The following PACSIN2 variants were observed in gnomAD, a reference collection of about 807,000 sequenced individuals.
The protein encoded by PACSIN2 is protein kinase C and casein kinase substrate in neurons protein 2.
Under a neutral mutation model 63.8 loss-of-function variants are expected in PACSIN2, and 25 were observed. The observed-to-expected ratio is 0.39, with a 90% CI of 0.29 to 0.55. The LOEUF (loss-of-function observed/expected upper bound fraction) is 0.55. Ranked by LOEUF, PACSIN2 falls within the 20% of genes least tolerant of loss-of-function variation. PACSIN2 has a pLI of 0.62. For missense variants in PACSIN2, 518 were observed against 646.9 expected (o/e 0.80, Z 2.16); for synonymous variants, 255 against 256.2 (o/e 1.00, Z 0.05).
At position 43,012,237 on chromosome 22, in the gene PACSIN2, C is replaced by T. The variant is rs575105780; in HGVS notation, c.-78+2784G>A. ...AAAACTAGCCAGGCAAGGTGGCAGG[C>T]GCCTGTAATCCCAACTACTGAGGAG... On this transcript the variant is annotated intron_variant, in intron 1 of 10. Transcript: ENST00000263246. Among the ~76,000 whole-genome samples, 7 of 146,300 alleles carry T rather than the reference C, an allele frequency of 4.8e-5. No individual in the cohort carries two copies. In the South Asian group the frequency reaches 9.0e-4, roughly 19 times the overall value.
chr22:42,990,828 C>T (rs1485150850), intron 1 of PACSIN2, among the ~76,000 whole-genome samples: 3 of 141,210 alleles, frequency 2.1e-5, no homozygotes, highest in Non-Finnish European at 4.4e-5. Flanking sequence ...ATGGAAACCA[C>T]TCTATTTGGC....
At chr22:42,973,536 A>G (rs1921475772) in intron 1 of PACSIN2, among the ~76,000 whole-genome samples, 1 of 152,176 alleles carries the variant, frequency 6.6e-6, no homozygotes, top group African/African-American at 2.4e-5. Context: ...TCAATCAGAA[A>G]CTCTACATAT....
chr22:43,002,994 A>C (rs1428773391), intron 1 of PACSIN2, among the ~76,000 whole-genome samples: 1 of 152,212 alleles, frequency 6.6e-6, no homozygotes, highest in Non-Finnish European at 1.5e-5. Flanking sequence ...CCATCTACAA[A>C]CTGGATGGCC....
At chr22:42,963,869 CT>C (rs1920932775) in intron 1 of PACSIN2, among the ~76,000 whole-genome samples, 1 of 151,714 alleles carries the variant, frequency 6.6e-6, no homozygotes, top group African/African-American at 2.4e-5. Flanking sequence ...CACTTCTCTA[CT>C]GGTCTGTCAT....
Position 43,008,141 on chromosome 22 carries a change from A to T in PACSIN2, c.-78+6880T>A, listed in dbSNP as rs564591970. 2.6e-5 allele frequency among the ~76,000 whole-genome samples: 4 copies of T among 152,396 alleles called. No homozygotes were observed. The South Asian group carries it at 8.3e-4, about 32-fold the overall frequency. On this transcript the variant is annotated intron_variant, in intron 1 of 10. Transcript: ENST00000263246. ...TGTCTGAGTATTCAAAACAGCTTTC[A>T]GAAATACATCAGAAGTATTCTTTTA...
chr22:42,934,115 A>G (rs1159967627), intron 1 of PACSIN2, among the ~76,000 whole-genome samples: 2 of 152,152 alleles, frequency 1.3e-5, no homozygotes, highest in Non-Finnish European at 2.9e-5. Context: ...GAGCTTTGAA[A>G]TTTTCTCTAA....
chr22:42,967,322 T>C (rs557489291), intron 1 of PACSIN2, among the ~76,000 whole-genome samples: 1 of 152,168 alleles, frequency 6.6e-6, no homozygotes, highest in Non-Finnish European at 1.5e-5. Flanking sequence ...CCAATGTTAC[T>C]GATCAGGGCT....
chr22:42,954,000 C>T (rs1933809766), intron 1 of PACSIN2, among the ~76,000 whole-genome samples: 1 of 152,176 alleles, frequency 6.6e-6, no homozygotes, highest in African/African-American at 2.4e-5. Flanking sequence ...GTGGCTCATG[C>T]CTGTAATCCT....
intron 1 of PACSIN2, among the ~76,000 whole-genome samples, chr22:42,946,542 T>C (rs1198503717): frequency 6.6e-6 from 1 of 152,088 alleles, no homozygotes; most frequent in African/African-American, 2.4e-5. Context: ...AGAGCAAAAC[T>C]CTGTCTCAAA....
chr22:42,931,654 G>A (rs1477975603), intron 1 of PACSIN2, among the ~76,000 whole-genome samples: 1 of 152,224 alleles, frequency 6.6e-6, no homozygotes, highest in Non-Finnish European at 1.5e-5. Context: ...GTTTAAACTT[G>A]ATGAGTTTCT....
At chr22:43,002,899 T>A (rs528405184) in intron 1 of PACSIN2, among the ~76,000 whole-genome samples, 2 of 152,320 alleles carry the variant, frequency 1.3e-5, no homozygotes, top group South Asian at 4.1e-4. Context: ...TGAGAAAATA[T>A]TTAAGTGAAT....
At chr22:42,965,209 T>G (rs1232576063) in intron 1 of PACSIN2, among the ~76,000 whole-genome samples, 1 of 152,108 alleles carries the variant, frequency 6.6e-6, no homozygotes, top group Non-Finnish European at 1.5e-5. Flanking sequence ...TCTATGTGGA[T>G]GAAATTCGAA....
intron 2 of PACSIN2, among the ~76,000 whole-genome samples, chr22:42,897,944 C>A (rs1930402393): frequency 6.6e-6 from 1 of 151,716 alleles, no homozygotes; most frequent in African/African-American, 2.4e-5. Flanking sequence ...ACACAGGGAG[C>A]AAATGGCAAT....
intron 2 of PACSIN2, among the ~76,000 whole-genome samples, chr22:42,909,867 C>T (rs887615016): frequency 6.6e-6 from 1 of 152,168 alleles, no homozygotes; most frequent in Non-Finnish European, 1.5e-5. Context: ...AAGACAATGT[C>T]GCCAAGGGCA....
At chr22:43,009,963 G>A (rs188312656) in intron 1 of PACSIN2, among the ~76,000 whole-genome samples, 2 of 147,532 alleles carry the variant, frequency 1.4e-5, no homozygotes, top group South Asian at 2.1e-4. Context: ...TCTGCCTCCC[G>A]GGTTCTAGTG....
intron 1 of PACSIN2, among the ~76,000 whole-genome samples, chr22:42,965,932 AATAAATAAATAATC>A (rs1481982581): frequency 2.1e-5 from 2 of 94,212 alleles, no homozygotes; most frequent in South Asian, 6.8e-4. Context: ...AATAATCATA[AATAAATAAATAATC>A]ATAAATAAAT....
At chr22:42,941,839 C>A (rs1184564557) in intron 1 of PACSIN2, among the ~76,000 whole-genome samples, 12 of 152,144 alleles carry the variant, frequency 7.9e-5, no homozygotes, top group Admixed American at 7.9e-4. Flanking sequence ...TGCAGTGGCG[C>A]ATTCTCGGCT....
At chr22:42,877,157 T>A (rs1928704876) in intron 8 of PACSIN2, 147 bp from the exon 9 acceptor site, 2 of 812,830 alleles carry the variant, frequency 2.5e-6, no homozygotes, top group Admixed American at 4.6e-5. Flanking sequence ...AAGGTTACTA[T>A]GGCAGAATGC....
intron 1 of PACSIN2, among the ~76,000 whole-genome samples, chr22:42,954,808 G>C (rs758896922): frequency 2.0e-5 from 3 of 152,132 alleles, no homozygotes; most frequent in Non-Finnish European, 4.4e-5. Flanking sequence ...GGGGATGGGG[G>C]CAGGGATTCA....
Sources: gnomAD v4.1 joint callset for allele counts (sites outside exome capture counted in the v4.1 genomes callset) on GRCh38, gnomAD v4.1.1 for gene constraint, MANE v1.5 for transcripts, NCBI Gene and HGNC (gene_info 2026-07-23, HGNC 2026-07-21) for gene names.